CNNM2: variants seen among roughly 807,000 people sequenced by gnomAD.
The protein encoded by CNNM2 is cyclin and CBS domain divalent metal cation transport mediator 2.
CNNM2 carries 12 observed loss-of-function variants against 66.9 expected under a neutral mutation model. That is an observed-to-expected ratio of 0.18 (90% CI 0.11 to 0.29). The LOEUF (loss-of-function observed/expected upper bound fraction) is 0.29, where lower values mean the gene tolerates loss of function less well. CNNM2 is among the 10% of genes least tolerant of loss of function. The probability of loss-of-function intolerance (pLI) is 1.00; values close to 1 mark genes in which losing one functional copy is unlikely to be tolerated. For missense variants in CNNM2, 705 were observed against 1,167.7 expected (o/e 0.60, Z 5.77); for synonymous variants, 557 against 501.8 (o/e 1.11, Z -1.47).
chr10:103,033,541 C>A (rs1239811543), intron 1 of CNNM2, among the ~76,000 whole-genome samples: 2 of 151,730 alleles, frequency 1.3e-5, no homozygotes, highest in East Asian at 1.9e-4. Flanking sequence ...AAAACATGTA[C>A]AAACAATTGT....
chr10:102,930,128 TA>T (rs1267045264), intron 1 of CNNM2, among the ~76,000 whole-genome samples: 1 of 152,124 alleles, frequency 6.6e-6, no homozygotes, highest in African/African-American at 2.4e-5. Context: ...TGGAAGTAAA[TA>T]TCTAACACTT....
intron 1 of CNNM2, among the ~76,000 whole-genome samples, chr10:103,047,453 G>C (rs574299886): frequency 6.6e-6 from 1 of 152,306 alleles, no homozygotes; most frequent in South Asian, 2.1e-4. Flanking sequence ...ACAAAACAAA[G>C]AGGATGTTGT....
intron 1 of CNNM2, among the ~76,000 whole-genome samples, chr10:103,028,821 T>C (rs547605595): frequency 1.6e-5 from 2 of 123,148 alleles, no homozygotes; most frequent in South Asian, 3.2e-4. Context: ...TTTCTTTTTT[T>C]TTTTTTCTTT....
At chr10:103,002,025 A>G (rs2064132844) in intron 1 of CNNM2, among the ~76,000 whole-genome samples, 1 of 152,132 alleles carries the variant, frequency 6.6e-6, no homozygotes, top group Admixed American at 6.6e-5. Context: ...TAAAACTATA[A>G]AACACCTAGA....
chr10:102,960,679 G>A (rs1013132160), intron 1 of CNNM2, among the ~76,000 whole-genome samples: 2 of 151,564 alleles, frequency 1.3e-5, no homozygotes, highest in Admixed American at 6.6e-5. Context: ...GTGCAGTGGC[G>A]TGTGATCATG....
At position 103,085,366 on chromosome 10, in the gene CNNM2, C is replaced by T. The variant is rs2065795165; in HGVS notation, c.*8186C>T. ...TGAGAACACTCTCTCAAAGACTGGACACTGAGTAAACATTTTTCAGTGTGG... is the reference window on the plus strand; with the variant it reads ...TGAGAACACTCTCTCAAAGACTGGATACTGAGTAAACATTTTTCAGTGTGG... On this transcript the variant is annotated 3_prime_UTR_variant, in exon 8 of 8. Coordinates refer to ENST00000369878, the MANE Select transcript of CNNM2 (RefSeq NM_017649.5). 1 of 152,210 alleles carries T rather than the reference C, an allele frequency of 6.6e-6. No individual in the cohort carries two copies. The highest frequency in any genetic ancestry group is 1.5e-5 in the Non-Finnish European group (1 of 68,034). The allele number at this position is 152,210 out of a possible 1,614,324, so 9.4% of individuals were successfully genotyped here.
intron 5 of CNNM2, among the ~76,000 whole-genome samples, chr10:103,070,436 T>C (rs1307246436): frequency 6.6e-6 from 1 of 152,188 alleles, no homozygotes; most frequent in Non-Finnish European, 1.5e-5. Flanking sequence ...CTTGAAAGCA[T>C]GAGGGGAAAT....
At position 103,089,293 on chromosome 10, in the gene CNNM2, A is replaced by G. The variant is rs1159749341; in HGVS notation, c.*12113A>G. ...TTGGAGTAATAGCACAATTTGTAAC[A>G]TTACAGATCACCTCTTCCCACTCTT... is the stretch of plus-strand genomic sequence containing the variant. On this transcript the variant is annotated 3_prime_UTR_variant, in exon 8 of 8. Transcript: ENST00000369878. The G allele has an allele frequency of 4.3e-6, 1 of 233,790 alleles. No individual in the cohort carries two copies. Among genetic ancestry groups the G allele is most frequent in the Non-Finnish European group, 8.4e-6 (1 of 119,208 alleles). 14.5% of individuals were successfully genotyped at this position (233,790 alleles called of 1,614,324 possible). A position where few individuals can be genotyped will look rare whatever the true frequency, so the allele number is the denominator to read the frequency against.
At position 102,918,521 on chromosome 10, in the gene CNNM2, C is replaced by T. The variant is rs1340232323; in HGVS notation, c.41C>T (p.Ala14Val). The change falls in exon 1 of 8, where the codon GCG becomes GTG. Residue 14 changes from alanine to valine, a missense_variant. Around this residue, in one of 9 missense-constraint regions of CNNM2, gnomAD observed 98 missense variants for 73.6 expected, o/e 1.33. Transcript: ENST00000369878. This position sits in a 1 kb window ranked among gnomAD's most constrained non-coding sequence, Gnocchi z 4.1. ...CGACEPKVKMAGGQAAAALPT... is the reference protein window; with the variant it reads ...CGACEPKVKMVGGQAAAALPT... ...GCTTGTGAACCCAAAGTAAAGATGG[C>T]GGGCGGGCAGGCAGCCGCCGCACTG... 3 of 1,604,530 alleles carry T rather than the reference C, an allele frequency of 1.9e-6. No homozygotes were observed. The highest frequency in any genetic ancestry group is 2.5e-6 in the Non-Finnish European group (3 of 1,177,550).
At chr10:103,009,333 T>G (rs537388282) in intron 1 of CNNM2, among the ~76,000 whole-genome samples, 1 of 152,242 alleles carries the variant, frequency 6.6e-6, no homozygotes, top group Admixed American at 6.5e-5. Flanking sequence ...GAGAAATTTC[T>G]TGTTGGTTTA....
At chr10:103,036,928 G>C (rs1489873826) in intron 1 of CNNM2, among the ~76,000 whole-genome samples, 2 of 152,214 alleles carry the variant, frequency 1.3e-5, no homozygotes, top group Admixed American at 6.5e-5. Context: ...TGTGGTGGTA[G>C]AAGTGTCCTA....
At chr10:103,014,006 G>A (rs1171750009) in intron 1 of CNNM2, among the ~76,000 whole-genome samples, 1 of 152,140 alleles carries the variant, frequency 6.6e-6, no homozygotes, top group Non-Finnish European at 1.5e-5. Flanking sequence ...GAGTAAGTAA[G>A]AACCATTCCA....
chr10:103,067,353 C>G (rs1330434346), intron 4 of CNNM2, among the ~76,000 whole-genome samples: 3 of 152,256 alleles, frequency 2.0e-5, no homozygotes, highest in African/African-American at 7.2e-5. Flanking sequence ...CAGGTATGAG[C>G]CACTGCTCCC....
chr10:103,010,391 C>A (rs1157274645), intron 1 of CNNM2, among the ~76,000 whole-genome samples: 1 of 152,002 alleles, frequency 6.6e-6, no homozygotes, highest in Non-Finnish European at 1.5e-5. Context: ...GCATGTGCCA[C>A]CATGCCCGGC....
intron 1 of CNNM2, among the ~76,000 whole-genome samples, chr10:102,992,884 A>G (rs185523328): frequency 1.5e-3 from 224 of 152,286 alleles, no homozygotes; most frequent in Middle Eastern, 6.8e-3. Context: ...TTGCAGCCTC[A>G]CTAGGGTATC....
chr10:103,072,208 A>T (rs552177286), intron 6 of CNNM2, among the ~76,000 whole-genome samples: 10 of 152,212 alleles, frequency 6.6e-5, no homozygotes, highest in African/African-American at 2.4e-4. Flanking sequence ...TGGTATCTGG[A>T]GTTTGCAGAG....
chr10:103,015,786 G>C (rs2064433480), intron 1 of CNNM2, among the ~76,000 whole-genome samples: 1 of 152,114 alleles, frequency 6.6e-6, no homozygotes, highest in African/African-American at 2.4e-5. Context: ...CCGGGAGGTA[G>C]AAGTTCCAGT....
chr10:102,982,866 T>TATATTACAGTCTAAATC (rs763878022), intron 1 of CNNM2, among the ~76,000 whole-genome samples: 69 of 152,344 alleles, frequency 4.5e-4, no homozygotes, highest in Non-Finnish European at 9.4e-4. Flanking sequence ...TCAATAAACT[T>TATATTACAGTCTAAATC]ATATTACAGT....
intron 1 of CNNM2, among the ~76,000 whole-genome samples, chr10:102,925,103 C>G (rs150972635): frequency 8.2e-4 from 125 of 151,812 alleles, no homozygotes; most frequent in African/African-American, 2.8e-3. Context: ...TCAAGACCAG[C>G]CTGACCAACA....
Sources: gnomAD v4.1 joint callset for allele counts (sites outside exome capture counted in the v4.1 genomes callset) on GRCh38, gnomAD v4.1.1 for gene constraint, gnomAD v4.1.1 regional missense constraint, Gnocchi (gnomAD v3.1) non-coding constraint, MANE v1.5 for transcripts, NCBI Gene and HGNC (gene_info 2026-07-23, HGNC 2026-07-21) for gene names.